The following MYO10 variants were observed in gnomAD, a reference collection of about 807,000 sequenced individuals.
MYO10 encodes the protein myosin X.
In MYO10, 133 loss-of-function variants were observed where a neutral mutation model predicts 257.3. The ratio of observed to expected loss-of-function variants is 0.52; its 90% confidence interval spans 0.45 to 0.60. MYO10 has a LOEUF of 0.60. Ranked by LOEUF, MYO10 falls within the 20% of genes least tolerant of loss-of-function variation. MYO10 has a pLI of 0.00. For synonymous variants in MYO10, 1,104 were observed against 1,028.6 expected (o/e 1.07, Z -1.40); for missense variants, 2,399 against 2,635.7 (o/e 0.91, Z 1.97).
chr5:16,682,048 T>C, intron 30 of MYO10, 35 bp from the exon 31 acceptor site: 1 of 1,603,520 alleles, frequency 6.2e-7, no homozygotes, highest in South Asian at 1.1e-5. Context: ...CAAAGCCCCT[T>C]AGCCCTACCG....
intron 2 of MYO10, among the ~76,000 whole-genome samples, chr5:16,869,191 A>ATTTTTTT (rs70943814): frequency 6.0e-5 from 7 of 115,860 alleles, no homozygotes; most frequent in East Asian, 2.6e-4. Flanking sequence ...CACCCGGCTA[A>ATTTTTTT]TTTTTTTTTT....
Position 16,769,105 on chromosome 5 carries a change from A to G in MYO10, c.1029T>C (p.Thr343=), listed in dbSNP as rs1003424658. ...TGAAGGAAACCTGTGCCCCACCAGCAGTGATAAATTCTATGTTCCCAAGAT... is the reference window on the plus strand; with the variant it reads ...TGAAGGAAACCTGTGCCCCACCAGCGGTGATAAATTCTATGTTCCCAAGAT... ...ILHLGNIEFI[T]AGGAQVSFKT... is the part of the protein sequence containing the mutation. Residue 343 remains threonine, a synonymous_variant, in exon 10 of 41, where the codon ACT becomes ACC. Coordinates refer to ENST00000513610, the MANE Select transcript of MYO10 (RefSeq NM_012334.3). 1.9e-6 allele frequency: 3 copies of G among 1,611,986 alleles called. No individual in the cohort carries two copies. Among genetic ancestry groups the G allele is most frequent in the Admixed American group, 3.3e-5 (2 of 59,782 alleles).
At chr5:16,794,579 G>A in intron 4 of MYO10, 67 bp downstream of exon 4, 1 of 1,427,610 alleles carries the variant, frequency 7.0e-7, no homozygotes, top group Non-Finnish European at 9.4e-7. Context: ...TAAGGAGGCT[G>A]GGGTTGGGGG....
chr5:16,776,941 T>G lies in MYO10; in HGVS notation c.930+2604A>C, dbSNP rs112260619. On this transcript the variant is annotated intron_variant, in intron 9 of 40. Transcript: ENST00000513610. ...TTTATCACAAATTATTGTTCGTTAC[T>G]TCAAGAAAGAAACAAGAAATAAAAT... Among the ~76,000 whole-genome samples the G allele has an allele frequency of 5.9e-5, 9 of 152,274 alleles. 1 individual carries two copies. Among genetic ancestry groups the G allele is most frequent in the South Asian group, 2.1e-4 (1 of 4,826 alleles).
chr5:16,809,498 C>T (rs1283425475), intron 3 of MYO10, among the ~76,000 whole-genome samples: 2 of 152,222 alleles, frequency 1.3e-5, no homozygotes, highest in African/African-American at 2.4e-5. Flanking sequence ...GCAAGCAGGC[C>T]GTGACTTCCC....
intron 6 of MYO10, among the ~76,000 whole-genome samples, chr5:16,781,431 G>A (rs534805367): frequency 6.6e-6 from 1 of 151,564 alleles, no homozygotes; most frequent in Non-Finnish European, 1.5e-5. Context: ...ACAGGGTCTT[G>A]CTATGTTGCT....
At chr5:16,700,766 A>C (rs986010464) in intron 25 of MYO10, among the ~76,000 whole-genome samples, 197 bp downstream of exon 25, 2 of 152,232 alleles carry the variant, frequency 1.3e-5, no homozygotes, top group African/African-American at 4.8e-5. Flanking sequence ...CTAAAACTGA[A>C]ACAGGCACAT....
intron 3 of MYO10, among the ~76,000 whole-genome samples, chr5:16,796,253 G>A (rs1281528041): frequency 6.8e-6 from 1 of 147,488 alleles, no homozygotes; most frequent in Non-Finnish European, 1.5e-5. Context: ...GTGCGAGAGA[G>A]AGAGAGAGAG....
At chr5:16,796,732 T>G (rs1193969145) in intron 3 of MYO10, among the ~76,000 whole-genome samples, 5 of 152,218 alleles carry the variant, frequency 3.3e-5, no homozygotes, top group Non-Finnish European at 5.9e-5. Context: ...TCGTACAGTG[T>G]GTCTAGGGCT....
rs143614063 is a variant in MYO10, at chr5:16,753,466, C to CTT, written c.1929+1360_1929+1361dup. ...ACAGGCGTGAGCCACCGTGCCCGGC[C>CTT]TTTTTTTTTTTTTTTTTTTTTGGGA... On this transcript the variant is annotated intron_variant, in intron 19 of 40. Transcript: ENST00000513610. 9.0e-3 allele frequency among the ~76,000 whole-genome samples: 746 copies of CTT among 83,136 alleles called. 9 individuals carry two copies. Among genetic ancestry groups the CTT allele is most frequent in the African/African-American group, 0.034 (646 of 19,052 alleles). The allele number at this position is 83,136 out of a possible 152,430, so 54.5% of individuals were successfully genotyped here.
At chr5:16,755,725 T>C (rs1204076473) in intron 18 of MYO10, among the ~76,000 whole-genome samples, 1 of 151,556 alleles carries the variant, frequency 6.6e-6, no homozygotes, top group African/African-American at 2.4e-5. Flanking sequence ...TCCAACTTTT[T>C]TTTTTTTTTT....
At chr5:16,894,216 G>A (rs771649750) in intron 1 of MYO10, among the ~76,000 whole-genome samples, 12 of 152,026 alleles carry the variant, frequency 7.9e-5, no homozygotes, top group Non-Finnish European at 1.6e-4. Context: ...TCCTTTTTCC[G>A]TCCCAGGACC....
At chr5:16,785,115 C>T (rs1741536881) in intron 4 of MYO10, among the ~76,000 whole-genome samples, 1 of 152,246 alleles carries the variant, frequency 6.6e-6, no homozygotes, top group African/African-American at 2.4e-5. Flanking sequence ...AAATCAGAGG[C>T]AAGCCCAGCC....
Position 16,797,481 on chromosome 5 carries a change from A to C in MYO10, c.280-2648T>G, listed in dbSNP as rs188534641. On this transcript the variant is annotated intron_variant, in intron 3 of 40. Transcript: ENST00000513610. ...ACCCAGCGATTCCACTCCTAGATAC[A>C]TATCAAAAAGAAGCGAAAGAAAATA... 3.3e-4 allele frequency among the ~76,000 whole-genome samples: 51 copies of C among 152,358 alleles called. 1 individual carries two copies. The East Asian group carries it at 8.1e-3, about 24-fold the overall frequency.
At chr5:16,888,270 T>C (rs1744947366) in intron 1 of MYO10, among the ~76,000 whole-genome samples, 1 of 152,130 alleles carries the variant, frequency 6.6e-6, no homozygotes, top group South Asian at 2.1e-4. Flanking sequence ...GACTCACACC[T>C]GTAATCTCAA....
rs986322768 is a variant in MYO10 at position 16,679,939 on chromosome 5, T to C, written c.4542+8A>G. On this transcript the variant is annotated splice_region_variant and intron_variant, in intron 33 of 40. Transcript: ENST00000513610. Reference sequence around the variant, plus strand: ...ATCACCCACCTTGATGGGCTTGTCTTGGCTTACCTTGATATCTTGAATCAG... The same window carrying C: ...ATCACCCACCTTGATGGGCTTGTCTCGGCTTACCTTGATATCTTGAATCAG... 1 of 1,612,946 alleles carries C rather than the reference T, an allele frequency of 6.2e-7. No individual in the cohort carries two copies. The highest frequency in any genetic ancestry group is 1.3e-5 in the African/African-American group (1 of 74,940).
intron 1 of MYO10, among the ~76,000 whole-genome samples, chr5:16,929,345 T>C (rs1369257299): frequency 3.9e-5 from 6 of 152,166 alleles, no homozygotes; most frequent in South Asian, 2.1e-4. Flanking sequence ...TAAACTCCCA[T>C]GCAGTTTTCC....
At position 16,762,115 on chromosome 5, in the gene MYO10, TAAAAAAAAA is replaced by T. The variant is rs746751894; in HGVS notation, c.1588-11_1588-3del. 77 of 567,420 alleles carry T rather than the reference TAAAAAAAAA, an allele frequency of 1.4e-4. No homozygotes were observed. Among genetic ancestry groups the T allele is most frequent in the Middle Eastern group, 1.1e-3 (2 of 1,788 alleles). 35.1% of individuals were successfully genotyped at this position (567,420 alleles called of 1,614,324 possible). On this transcript the variant is annotated splice_polypyrimidine_tract_variant and splice_region_variant and intron_variant, in intron 15 of 40. Coordinates refer to ENST00000513610, the MANE Select transcript of MYO10 (RefSeq NM_012334.3). Reference sequence around the variant, plus strand: ...GGGCTTCACATAAAAGTGGTTATTCTAAAAAAAAAAAAAAAAAAAAAAAAAAAAATACAA... The same window carrying T: ...GGGCTTCACATAAAAGTGGTTATTCTAAAAAAAAAAAAAAAAAAAATACAA...
intron 32 of MYO10, 133 bp downstream of exon 32, chr5:16,681,176 G>A (rs1312052013): frequency 1.1e-6 from 1 of 928,760 alleles, no homozygotes; most frequent in African/African-American, 1.8e-5. Flanking sequence ...GACAGGCTTA[G>A]AAGATAAACC....
Sources: allele counts gnomAD v4.1 joint callset (sites outside exome capture counted in the v4.1 genomes callset), GRCh38; gene constraint gnomAD v4.1.1; transcripts MANE v1.5; gene names NCBI Gene and HGNC (gene_info 2026-07-23, HGNC 2026-07-21).